The following RBFOX1 variants were observed in gnomAD, a reference collection of about 807,000 sequenced individuals.
RBFOX1 encodes RNA binding fox-1 homolog 1.
In RBFOX1, 8 loss-of-function variants were observed where a neutral mutation model predicts 57.7. The observed-to-expected ratio is 0.14, with a 90% CI of 0.08 to 0.25. The LOEUF (loss-of-function observed/expected upper bound fraction) is 0.25. Ranked by LOEUF, RBFOX1 falls within the 10% of genes least tolerant of loss-of-function variation. RBFOX1 has a pLI of 1.00. For synonymous variants in RBFOX1, 326 were observed against 222.4 expected, an observed-to-expected ratio of 1.47 and a Z score of -4.15; for missense variants, 611 against 548.5, an observed-to-expected ratio of 1.11 and a Z score of -1.14.
chr16:5,264,749 A>G (rs1332173505), intron 1 of RBFOX1, among the ~76,000 whole-genome samples: 1 of 151,964 alleles, frequency 6.6e-6, no homozygotes, highest in Non-Finnish European at 1.5e-5. Flanking sequence ...TCTAGCTAGG[A>G]GCTTTTAATT....
At chr16:6,384,019 G>A (rs2092051389) in intron 2 of RBFOX1, among the ~76,000 whole-genome samples, 1 of 145,510 alleles carries the variant, frequency 6.9e-6, no homozygotes, top group Non-Finnish European at 1.5e-5. Context: ...ACCCTGAAAT[G>A]TTTCTGTTTC....
intron 1 of RBFOX1, among the ~76,000 whole-genome samples, chr16:6,277,080 C>G (rs2075877506): frequency 6.6e-6 from 1 of 152,112 alleles, no homozygotes; most frequent in Non-Finnish European, 1.5e-5. Flanking sequence ...TAAAAACAAT[C>G]CCATCTCAGT....
chr16:5,758,872 T>C (rs1398000532), intron 3 of RBFOX1, among the ~76,000 whole-genome samples: 1 of 152,112 alleles, frequency 6.6e-6, no homozygotes, highest in Non-Finnish European at 1.5e-5. Flanking sequence ...GGCAAAAGCG[T>C]GGCTGACCCT....
intron 4 of RBFOX1, among the ~76,000 whole-genome samples, chr16:5,985,818 G>C (rs919985033): frequency 6.6e-6 from 1 of 152,142 alleles, no homozygotes; most frequent in Non-Finnish European, 1.5e-5. Context: ...GCTGCCTCTG[G>C]GGGCGCACAG....
chr16:6,928,342 A>G (rs1597466235), intron 3 of RBFOX1, among the ~76,000 whole-genome samples: 1 of 152,174 alleles, frequency 6.6e-6, no homozygotes, highest in South Asian at 2.1e-4. Flanking sequence ...GGGGCGGGGA[A>G]AGAAAAGAGG....
intron 3 of RBFOX1, among the ~76,000 whole-genome samples, chr16:6,779,793 ATACT>A (rs1248119712): frequency 6.8e-3 from 27 of 3,972 alleles, no homozygotes; most frequent in Admixed American, 0.013. Flanking sequence ...ATTTTTATAT[ATACT>A]TTTATATATT....
At chr16:7,318,119 T>C (rs370866752) in intron 4 of RBFOX1, among the ~76,000 whole-genome samples, 2,976 of 151,526 alleles carry the variant, frequency 0.02, 52 homozygotes, top group Non-Finnish European at 0.034. Context: ...GTAGTGACGG[T>C]GCTGATGGTG....
At position 7,478,260 on chromosome 16, in the gene RBFOX1, C is replaced by T. The variant is rs557786306; in HGVS notation, c.28-39887C>T. Among the ~76,000 whole-genome samples, 12 of 152,164 alleles carry T rather than the reference C, an allele frequency of 7.9e-5. No homozygotes were observed. In the South Asian group the frequency reaches 1.5e-3, roughly 18 times the overall value. On this transcript the variant is annotated intron_variant, in intron 4 of 15. Transcript: ENST00000550418. ...CCATATTCTGACAGAACTATCATTG[C>T]GTAGAATGAAGAGAACACAAAGAGG...
At chr16:5,747,803 T>G (rs2053045114) in intron 3 of RBFOX1, among the ~76,000 whole-genome samples, 1 of 152,214 alleles carries the variant, frequency 6.6e-6, no homozygotes, top group Admixed American at 6.5e-5. Flanking sequence ...TCTATCAATT[T>G]TGTTGATCTT....
intron 14 of RBFOX1, among the ~76,000 whole-genome samples, chr16:7,698,461 T>G (rs2079536292): frequency 6.6e-6 from 1 of 152,076 alleles, no homozygotes; most frequent in African/African-American, 2.4e-5. Flanking sequence ...AAGTTACCAA[T>G]TAGAAGCAAG....
chr16:7,677,211 C>G (rs200351227), intron 14 of RBFOX1, among the ~76,000 whole-genome samples: 4 of 149,086 alleles, frequency 2.7e-5, no homozygotes, highest in East Asian at 2.0e-4. Flanking sequence ...TCATCTAACT[C>G]ATAGGAAGAA....
At chr16:5,991,297 T>A (rs2060390686) in intron 4 of RBFOX1, among the ~76,000 whole-genome samples, 2 of 152,194 alleles carry the variant, frequency 1.3e-5, no homozygotes. Flanking sequence ...GATTTTAATA[T>A]ACGTCTCCCA....
At chr16:7,592,473 C>G (rs1268313148) in intron 7 of RBFOX1, among the ~76,000 whole-genome samples, 2 of 152,186 alleles carry the variant, frequency 1.3e-5, no homozygotes, top group African/African-American at 4.8e-5. Flanking sequence ...TTCAGTCTCA[C>G]CTGGCTGTGT....
chr16:7,647,896 C>T (rs2064072192), intron 11 of RBFOX1, among the ~76,000 whole-genome samples: 1 of 152,134 alleles, frequency 6.6e-6, no homozygotes, highest in Non-Finnish European at 1.5e-5. Flanking sequence ...AGTGCCATAC[C>T]TCAAAGTAAA....
intron 1 of RBFOX1, among the ~76,000 whole-genome samples, chr16:6,046,920 C>T (rs559616346): frequency 7.2e-5 from 11 of 152,108 alleles, no homozygotes; most frequent in Admixed American, 7.2e-4. Context: ...GGTTCCTTGG[C>T]CAGATGTCTA....
chr16:5,598,777 A>G, intron 2 of RBFOX1: 1 of 702,586 alleles, frequency 1.4e-6, no homozygotes, highest in Non-Finnish European at 2.3e-6. Context: ...GGAGAGACAG[A>G]GGGTACTGTG....
Position 5,956,836 on chromosome 16 carries a change from ATT to A in RBFOX1, c.351+89515_351+89516del, listed in dbSNP as rs200469523. On this transcript the variant is annotated intron_variant, in intron 4 of 19. Transcript: ENST00000641259. ...AAGCATGCACCACCATGCCTGGCTA[ATT>A]TTTTTTTTTTTTTATAGAGATGGGG... Among the ~76,000 whole-genome samples, 924 of 138,550 alleles carry A rather than the reference ATT, an allele frequency of 6.7e-3. 8 individuals carry two copies. The highest frequency in any genetic ancestry group is 0.023 in the African/African-American group (865 of 37,624). The allele number at this position is 138,550 out of a possible 152,430, so 90.9% of individuals were successfully genotyped here. A position where few individuals can be genotyped will look rare whatever the true frequency, so the allele number is the denominator to read the frequency against.
At chr16:6,953,894 AG>A (rs746316348) in intron 3 of RBFOX1, among the ~76,000 whole-genome samples, 10 of 152,136 alleles carry the variant, frequency 6.6e-5, no homozygotes, top group Non-Finnish European at 1.2e-4. Context: ...GTTGACGTAA[AG>A]TTTTTTTTGG....
rs115441345 is a variant in RBFOX1, at chr16:6,884,018, T to C, written c.-15-168039T>C. Among the ~76,000 whole-genome samples, 395 of 152,148 alleles carry C rather than the reference T, an allele frequency of 2.6e-3. 3 individuals carry two copies. Among genetic ancestry groups the C allele is most frequent in the African/African-American group, 9.1e-3 (379 of 41,506 alleles). On this transcript the variant is annotated intron_variant, in intron 3 of 15. Coordinates refer to ENST00000550418, the MANE Select transcript of RBFOX1 (RefSeq NM_018723.4). ...GGGAGTCACACACAAGGAGGGGGTG[T>C]TTTTTGTTCTTCTGACAAACTGATC...
Sources: gnomAD v4.1 joint callset for allele counts (sites outside exome capture counted in the v4.1 genomes callset) on GRCh38, gnomAD v4.1.1 for gene constraint, MANE v1.5 for transcripts, NCBI Gene and HGNC (gene_info 2026-07-23, HGNC 2026-07-21) for gene names.